Variants in AQP11 observed in about 807,000 individuals in gnomAD.
AQP11 encodes the protein aquaporin-11.
A neutral mutation model predicts 21.1 loss-of-function variants in AQP11; 20 were observed. That is an observed-to-expected ratio of 0.95 (90% CI 0.67 to 1.38). The LOEUF (loss-of-function observed/expected upper bound fraction) is 1.38. Among genes scored for constraint, AQP11 ranks in the 40% most tolerant of loss-of-function variants. AQP11 has a pLI of 0.00. For synonymous variants in AQP11, 167 were observed against 150.1 expected, an observed-to-expected ratio of 1.11 and a Z score of -0.82; for missense variants, 339 against 340.4, an observed-to-expected ratio of 1.00 and a Z score of 0.03.
Position 77,590,764 on chromosome 11 carries a change from A to G in AQP11, c.619+153A>G, listed in dbSNP as rs567661767. The G allele has an allele frequency of 1.2e-5, 12 of 985,312 alleles. No homozygotes were observed. The African/African-American group carries it at 2.1e-4, about 17-fold the overall frequency. The allele number at this position is 985,312 out of a possible 1,614,324, so 61.0% of individuals were successfully genotyped here. A position where few individuals can be genotyped will look rare whatever the true frequency, so the allele number is the denominator to read the frequency against. ...CTAACCATTTTGCAGCCCGTTCTTA[A>G]CCAGTAGGGCCGACACGTAGAGCCT... On this transcript the variant is annotated intron_variant, in intron 1 of 2. Transcript: ENST00000313578.
At chr11:77,602,566 A>AG (rs1318972701) in intron 1 of AQP11, among the ~76,000 whole-genome samples, 4 of 152,212 alleles carry the variant, frequency 2.6e-5, no homozygotes, top group Non-Finnish European at 4.4e-5. Flanking sequence ...CTGGTACACT[A>AG]GAAAAAACTC....
At chr11:77,601,142 G>A (rs1958813576) in intron 1 of AQP11, among the ~76,000 whole-genome samples, 1 of 152,224 alleles carries the variant, frequency 6.6e-6, no homozygotes, top group Non-Finnish European at 1.5e-5. Flanking sequence ...GATGTGGGGA[G>A]AGGGAATAGG....
chr11:77,590,468 T>C lies in AQP11; in HGVS notation c.476T>C (p.Ile159Thr). 1 of 1,614,116 alleles carries C rather than the reference T, an allele frequency of 6.2e-7. No homozygotes were observed. Among genetic ancestry groups the C allele is most frequent in the South Asian group, 1.1e-5 (1 of 91,074 alleles). ...AGGAGCTTCGCTTGCAAGAATCCCA[T>C]CCGAGTCGACTTGCTCAAAGCGGTC... ...SERSFACKNP[I>T]RVDLLKAVIT... The change falls in exon 1 of 3, where the codon ATC (isoleucine) becomes ACC (threonine). Residue 159 changes from isoleucine (I) to threonine (T), a missense_variant. By Grantham distance (89) the Ile-to-Thr change is moderately conservative. Transcript: ENST00000313578.
chr11:77,593,044 T>G (rs1958758028), intron 1 of AQP11, among the ~76,000 whole-genome samples: 1 of 152,244 alleles, frequency 6.6e-6, no homozygotes, highest in Admixed American at 6.5e-5. Flanking sequence ...TGCATGTGGC[T>G]GTTTACACTT....
At chr11:77,595,708 G>A (rs1958774410) in intron 1 of AQP11, among the ~76,000 whole-genome samples, 2 of 152,092 alleles carry the variant, frequency 1.3e-5, no homozygotes, top group Admixed American at 6.6e-5. Flanking sequence ...GATCACCTGA[G>A]GTCGGGAGTT....
intron 1 of AQP11, among the ~76,000 whole-genome samples, chr11:77,599,172 T>C (rs939545766): frequency 6.6e-6 from 1 of 151,658 alleles, no homozygotes; most frequent in Non-Finnish European, 1.5e-5. Context: ...TGAGCCACCA[T>C]GCCTGGCCAC....
intron 2 of AQP11, among the ~76,000 whole-genome samples, chr11:77,603,940 CT>C (rs59061258): frequency 0.35 from 51,671 of 149,172 alleles, 8,993 homozygotes; most frequent in East Asian, 0.45. Context: ...CAAAAATAAT[CT>C]TTTTTTTTTT....
chr11:77,591,347 G>GAGGAA (rs1303746958), intron 1 of AQP11: 15 of 977,476 alleles, frequency 1.5e-5, no homozygotes, highest in Non-Finnish European at 1.7e-5. Context: ...TAAGTGGGAG[G>GAGGAA]AGGAAATCCA....
chr11:77,590,070 G>T lies in AQP11; in HGVS notation c.78G>T (p.Leu26=). ...TGGGACTGATGCTGTCGGTGGTGCT[G>T]CTCATGGGGCTGGCCCGCGTAGTCG... is the stretch of plus-strand genomic sequence containing the variant. ...TSLGLMLSVV[L]LMGLARVVAR... The change falls in exon 1 of 3, where the codon CTG becomes CTT. Residue 26 remains leucine, a synonymous_variant. Coordinates refer to ENST00000313578, the MANE Select transcript of AQP11 (RefSeq NM_173039.3). The T allele has an allele frequency of 1.2e-6, 2 of 1,605,566 alleles. No individual in the cohort carries two copies.
chr11:77,605,766 G>C (rs370481260), intron 2 of AQP11, among the ~76,000 whole-genome samples: 41 of 152,166 alleles, frequency 2.7e-4, no homozygotes, highest in African/African-American at 9.9e-4. Flanking sequence ...ACATTAAAAA[G>C]TAGCCAGGTA....
Position 77,590,411 on chromosome 11 carries a change from G to GCTTGGGTCTGACCCAGTATCACGT in AQP11, c.421_444dup (p.Leu141_Val148dup). ...AGGTACTGCACAAGCGCCTTGTGGA[G>GCTTGGGTCTGACCCAGTATCACGT]CTTGGGTCTGACCCAGTATCACGTC... On this transcript the variant is annotated inframe_insertion, in exon 1 of 3. Coordinates refer to ENST00000313578, the MANE Select transcript of AQP11 (RefSeq NM_173039.3). 6.2e-7 allele frequency: 1 copy of GCTTGGGTCTGACCCAGTATCACGT among 1,614,016 alleles called. No individual in the cohort carries two copies. The highest frequency in any genetic ancestry group is 1.1e-5 in the South Asian group (1 of 91,072).
At chr11:77,606,165 C>T (rs1293333860) in intron 2 of AQP11, among the ~76,000 whole-genome samples, 1 of 151,046 alleles carries the variant, frequency 6.6e-6, no homozygotes, top group Non-Finnish European at 1.5e-5. Flanking sequence ...AGCAAAACCA[C>T]ATCTAAAAAA....
intron 1 of AQP11, among the ~76,000 whole-genome samples, chr11:77,592,626 C>T (rs1958755580): frequency 6.6e-6 from 1 of 152,156 alleles, no homozygotes; most frequent in South Asian, 2.1e-4. Flanking sequence ...ATATATTAGC[C>T]ATTCCCTATT....
At chr11:77,590,829 C>T (rs1055221985) in intron 1 of AQP11, 3 of 985,280 alleles carry the variant, frequency 3.0e-6, no homozygotes, top group Admixed American at 6.2e-5. Context: ...AAAGGAGCCA[C>T]CTCTGTGCTG....
chr11:77,601,805 C>CT (rs1264577743), intron 1 of AQP11, among the ~76,000 whole-genome samples: 1 of 152,216 alleles, frequency 6.6e-6, no homozygotes, highest in African/African-American at 2.4e-5. Context: ...CAGCTGTCAT[C>CT]TAAGATGCCT....
At chr11:77,602,298 A>G (rs1428123274) in intron 1 of AQP11, among the ~76,000 whole-genome samples, 1 of 152,176 alleles carries the variant, frequency 6.6e-6, no homozygotes, top group Non-Finnish European at 1.5e-5. Flanking sequence ...GGTCATTTAT[A>G]TCATCATAGG....
At position 77,590,059 on chromosome 11, in the gene AQP11, T is replaced by C; in HGVS notation, c.67T>C (p.Ser23Pro). The C allele has an allele frequency of 6.3e-7, 1 of 1,599,302 alleles. No individual in the cohort carries two copies. Among genetic ancestry groups the C allele is most frequent in the African/African-American group, 1.3e-5 (1 of 74,660 alleles). ...CTGCACCTCGCTGGGACTGATGCTG[T>C]CGGTGGTGCTGCTCATGGGGCTGGC... Reference protein sequence around the residue: ...DTCTSLGLMLSVVLLMGLARV... With the variant: ...DTCTSLGLMLPVVLLMGLARV... The change falls in exon 1 of 3, where the codon TCG becomes CCG. Residue 23 changes from serine to proline, a missense_variant. Physicochemically the swap from Ser to Pro is moderately conservative, Grantham distance 74 (BLOSUM62 -1). Transcript: ENST00000313578.
intron 2 of AQP11, among the ~76,000 whole-genome samples, chr11:77,608,361 G>A (rs1460294425): frequency 5.3e-5 from 8 of 152,124 alleles, no homozygotes; most frequent in Admixed American, 3.9e-4. Context: ...AGCAACTTAC[G>A]CCTGTAATCC....
chr11:77,590,690 T>C, intron 1 of AQP11, 79 bp downstream of exon 1: 1 of 1,521,940 alleles, frequency 6.6e-7, no homozygotes, highest in Non-Finnish European at 8.8e-7. Context: ...TAAAATACAT[T>C]TGAAACCGTC....
Sources: gnomAD v4.1 joint callset for allele counts (sites outside exome capture counted in the v4.1 genomes callset) on GRCh38, gnomAD v4.1.1 for gene constraint, MANE v1.5 for transcripts, NCBI Gene and HGNC (gene_info 2026-07-23, HGNC 2026-07-21) for gene names.